Variants in IKZF1 observed in about 807,000 individuals in gnomAD.
IKZF1 encodes the protein IKAROS family zinc finger 1, also known as DNA-binding protein Ikaros.
IKZF1 carries 10 observed loss-of-function variants against 51.7 expected under a neutral mutation model. The observed-to-expected ratio is 0.19, with a 90% CI of 0.12 to 0.33. The LOEUF (loss-of-function observed/expected upper bound fraction) is 0.33, where lower values mean the gene tolerates loss of function less well. IKZF1 is among the 10% of genes least tolerant of loss of function. The probability of loss-of-function intolerance (pLI) is 1.00; values close to 1 mark genes in which losing one functional copy is unlikely to be tolerated. For synonymous variants in IKZF1, 280 were observed against 282.3 expected (o/e 0.99, Z 0.08); for missense variants, 484 against 707.5 (o/e 0.68, Z 3.58).
Position 50,376,844 on chromosome 7 carries a change from G to C in IKZF1, c.421+51G>C. 4 of 1,596,538 alleles carry C rather than the reference G, an allele frequency of 2.5e-6. No individual in the cohort carries two copies. Among genetic ancestry groups the C allele is most frequent in the Non-Finnish European group, 3.4e-6 (4 of 1,169,796 alleles). ...TAGTGGCCTGGAGAAGGTGCATGGGGTTTGAAGGAGGAAAGCATCCTGTCT... is the reference window on the plus strand; with the variant it reads ...TAGTGGCCTGGAGAAGGTGCATGGGCTTTGAAGGAGGAAAGCATCCTGTCT... On this transcript the variant is annotated intron_variant, in intron 4 of 7. Transcript: ENST00000331340. The surrounding 1 kb of genome is among the most constrained non-coding windows in gnomAD (Gnocchi z 4.5).
chr7:50,380,876 T>G (rs532963218), intron 4 of IKZF1, among the ~76,000 whole-genome samples: 1 of 152,254 alleles, frequency 6.6e-6, no homozygotes, highest in Non-Finnish European at 1.5e-5. Context: ...CATCCAGTAT[T>G]GATTTACATG....
chr7:50,305,372 T>C (rs1788545547), intron 1 of IKZF1, among the ~76,000 whole-genome samples: 1 of 152,204 alleles, frequency 6.6e-6, no homozygotes. Flanking sequence ...GTTAGTCCTT[T>C]TGCTGACCGC....
intron 1 of IKZF1, among the ~76,000 whole-genome samples, chr7:50,309,254 A>G (rs1178795672): frequency 6.6e-6 from 1 of 152,212 alleles, no homozygotes; most frequent in African/African-American, 2.4e-5. Flanking sequence ...TCACTGCTAA[A>G]GTAAATCTGA....
At chr7:50,319,877 G>T (rs373123174) in intron 2 of IKZF1, among the ~76,000 whole-genome samples, 1 of 152,196 alleles carries the variant, frequency 6.6e-6, no homozygotes, top group African/African-American at 2.4e-5. Context: ...TTGGCTGAGC[G>T]CCCTCGTGTT....
At chr7:50,366,598 A>G (rs1807027492) in intron 3 of IKZF1, among the ~76,000 whole-genome samples, 1 of 152,196 alleles carries the variant, frequency 6.6e-6, no homozygotes, top group South Asian at 2.1e-4. Context: ...ATCTTCAAGC[A>G]CCATATCAGC....
At chr7:50,396,919 T>G (rs1446832645) in intron 7 of IKZF1, among the ~76,000 whole-genome samples, 1 of 152,236 alleles carries the variant, frequency 6.6e-6, no homozygotes, top group Non-Finnish European at 1.5e-5. Context: ...CATCTTCCCC[T>G]TCAGTGTAGA....
intron 7 of IKZF1, among the ~76,000 whole-genome samples, chr7:50,395,438 G>A (rs943365831): frequency 6.6e-6 from 1 of 151,502 alleles, no homozygotes; most frequent in African/African-American, 2.4e-5. Context: ...AAAACATTAA[G>A]AAATTTGAAT....
chr7:50,380,352 CCTGCT>C (rs1209126344), intron 4 of IKZF1, among the ~76,000 whole-genome samples: 1 of 152,218 alleles, frequency 6.6e-6, no homozygotes, highest in South Asian at 2.1e-4. Flanking sequence ...GCCTGCCTGC[CCTGCT>C]CTGCTCTGCA....
chr7:50,380,243 T>C (rs569379483), intron 4 of IKZF1, among the ~76,000 whole-genome samples: 1 of 152,326 alleles, frequency 6.6e-6, no homozygotes, highest in African/African-American at 2.4e-5. Flanking sequence ...CATACCAGCA[T>C]AGGCACTCAG....
intron 4 of IKZF1, among the ~76,000 whole-genome samples, chr7:50,378,413 G>A (rs759882593): frequency 6.6e-6 from 1 of 152,152 alleles, no homozygotes; most frequent in African/African-American, 2.4e-5. Context: ...ATGAAGGTAG[G>A]CTACCCTGTG....
intron 3 of IKZF1, among the ~76,000 whole-genome samples, chr7:50,342,487 C>T (rs918881467): frequency 3.3e-5 from 5 of 152,168 alleles, no homozygotes; most frequent in Non-Finnish European, 7.4e-5. Context: ...AGAGAGCGCC[C>T]TTGAGGACAG....
chr7:50,374,015 C>T (rs1327949224), intron 3 of IKZF1, among the ~76,000 whole-genome samples: 2 of 152,206 alleles, frequency 1.3e-5, no homozygotes, highest in East Asian at 3.8e-4. Context: ...TTTCTCAGGA[C>T]AATCCTGCAT....
chr7:50,353,234 T>C (rs1207932093), intron 3 of IKZF1, among the ~76,000 whole-genome samples: 1 of 152,224 alleles, frequency 6.6e-6, no homozygotes, highest in African/African-American at 2.4e-5. Flanking sequence ...TGCAGCTCCA[T>C]GTTTCCAAAG....
chr7:50,339,425 A>G (rs1798552775), intron 3 of IKZF1, among the ~76,000 whole-genome samples: 1 of 152,184 alleles, frequency 6.6e-6, no homozygotes, highest in Non-Finnish European at 1.5e-5. Context: ...ACACATCTTT[A>G]GCATTTAGTT....
rs564862722 is a variant in IKZF1, at chr7:50,361,870, A to G, written c.161-14663A>G. ...CAGCCTGGTGACAGAGCAAGACTCC[A>G]TCTCAAAAAAGAAAAAAAAAGCTAA... On this transcript the variant is annotated intron_variant, in intron 3 of 7. Coordinates refer to ENST00000331340, the MANE Select transcript of IKZF1 (RefSeq NM_006060.6). Among the ~76,000 whole-genome samples, 5 of 152,224 alleles carry G rather than the reference A, an allele frequency of 3.3e-5. No individual in the cohort carries two copies. The South Asian group carries it at 8.3e-4, about 25-fold the overall frequency.
intron 3 of IKZF1, among the ~76,000 whole-genome samples, chr7:50,331,612 A>T (rs1340043445): frequency 6.6e-6 from 1 of 152,218 alleles, no homozygotes. Context: ...TAATAAACAA[A>T]TTGATGGGAA....
At chr7:50,325,244 C>T (rs541356020) in intron 2 of IKZF1, among the ~76,000 whole-genome samples, 4 of 148,002 alleles carry the variant, frequency 2.7e-5, no homozygotes, top group African/African-American at 1.0e-4. Context: ...GTTATTCTTA[C>T]CCCCACACCC....
chr7:50,344,989 A>G (rs916317006), intron 3 of IKZF1, among the ~76,000 whole-genome samples: 1 of 151,948 alleles, frequency 6.6e-6, no homozygotes, highest in African/African-American at 2.4e-5. Context: ...CATTAAAAGT[A>G]ATAGCAAAAA....
At chr7:50,319,338 A>C (rs1792488823) in intron 2 of IKZF1, among the ~76,000 whole-genome samples, 1 of 152,204 alleles carries the variant, frequency 6.6e-6, no homozygotes, top group South Asian at 2.1e-4. Context: ...GGAAAAAAAA[A>C]CGGGAAGAGT....
Sources: allele counts gnomAD v4.1 joint callset (sites outside exome capture counted in the v4.1 genomes callset), GRCh38; gene constraint gnomAD v4.1.1; non-coding constraint Gnocchi (gnomAD v3.1); transcripts MANE v1.5; gene names NCBI Gene and HGNC (gene_info 2026-07-23, HGNC 2026-07-21).